Variants in KAZN observed in about 807,000 individuals in gnomAD.
KAZN encodes the protein kazrin.
KAZN carries 40 observed loss-of-function variants against 87.4 expected under a neutral mutation model. The observed-to-expected ratio is 0.46, with a 90% CI of 0.36 to 0.60. KAZN has a LOEUF of 0.60. Ranked by LOEUF, KAZN falls within the 20% of genes least tolerant of loss-of-function variation. The pLI is 0.00. For missense variants in KAZN, 898 were observed against 1,073.9 expected, an observed-to-expected ratio of 0.84 and a Z score of 2.29; for synonymous variants, 466 against 458.3, an observed-to-expected ratio of 1.02 and a Z score of -0.22.
At chr1:13,903,809 CT>C (rs1210128088) in intron 1 of KAZN, among the ~76,000 whole-genome samples, 1 of 152,090 alleles carries the variant, frequency 6.6e-6, no homozygotes, top group Non-Finnish European at 1.5e-5. Context: ...TTGAGCAGCT[CT>C]AAGAGGGTGG....
chr1:14,947,632 G>A (rs189334341), intron 1 of KAZN, among the ~76,000 whole-genome samples: 19 of 152,352 alleles, frequency 1.2e-4, no homozygotes, highest in African/African-American at 3.4e-4. Context: ...CAGACCAGCC[G>A]GGGTTGGGAT....
At chr1:14,984,946 G>A (rs1244829548) in intron 2 of KAZN, among the ~76,000 whole-genome samples, 3 of 151,886 alleles carry the variant, frequency 2.0e-5, no homozygotes, top group South Asian at 4.2e-4. Context: ...GACCAGCCTG[G>A]CCAATATGAT....
chr1:14,817,355 T>G (rs1253796419), intron 1 of KAZN, among the ~76,000 whole-genome samples: 2 of 152,204 alleles, frequency 1.3e-5, no homozygotes, highest in Non-Finnish European at 2.9e-5. Context: ...CATTCAGTCA[T>G]TCAACAAATG....
At chr1:14,036,748 T>A (rs949598876) in intron 1 of KAZN, among the ~76,000 whole-genome samples, 1 of 152,088 alleles carries the variant, frequency 6.6e-6, no homozygotes, top group African/African-American at 2.4e-5. Context: ...TTACTGGTAA[T>A]CTTTGGAGTC....
intron 2 of KAZN, among the ~76,000 whole-genome samples, chr1:14,994,098 C>A (rs1667636097): frequency 6.6e-6 from 1 of 152,220 alleles, no homozygotes; most frequent in African/African-American, 2.4e-5. Flanking sequence ...GCCATGGAAG[C>A]AGGTCCCCTC....
At chr1:14,071,933 G>A (rs1643262753) in intron 1 of KAZN, among the ~76,000 whole-genome samples, 1 of 152,196 alleles carries the variant, frequency 6.6e-6, no homozygotes, top group Non-Finnish European at 1.5e-5. Flanking sequence ...ATCTTCCTGA[G>A]TTTCTGTTTT....
At chr1:14,191,785 C>T (rs1453155526) in intron 2 of KAZN, among the ~76,000 whole-genome samples, 1 of 152,086 alleles carries the variant, frequency 6.6e-6, no homozygotes, top group African/African-American at 2.4e-5. Flanking sequence ...AGAAACCATC[C>T]ATAAGACTGT....
rs557458767 is a variant in KAZN, at chr1:14,242,233, A to G, written c.249+61641A>G. Reference sequence around the variant, plus strand: ...ACTGTCTAAATAAGAGGAGAATTACACAGATAAGCAGATAATACATCGGTT... The same window carrying G: ...ACTGTCTAAATAAGAGGAGAATTACGCAGATAAGCAGATAATACATCGGTT... On this transcript the variant is annotated intron_variant, in intron 2 of 16. Coordinates refer to the KAZN transcript ENST00000636203. Among the ~76,000 whole-genome samples the G allele has an allele frequency of 1.2e-4, 19 of 152,360 alleles. 1 individual carries two copies. In the South Asian group the frequency reaches 2.9e-3, roughly 23 times the overall value.
Position 14,064,431 on chromosome 1 carries a change from G to T in KAZN, c.92-116004G>T, listed in dbSNP as rs944475772. On this transcript the variant is annotated intron_variant, in intron 1 of 16. Transcript: ENST00000636203. ...TCTGACCAGTCCGACACCAACCCAG[G>T]TCACTCTGCTGCAGCCTCTCAGACT... is the stretch of plus-strand genomic sequence containing the variant. 9.9e-5 allele frequency among the ~76,000 whole-genome samples: 15 copies of T among 152,280 alleles called. No individual in the cohort carries two copies. In the East Asian group the frequency reaches 2.9e-3, roughly 30 times the overall value.
chr1:13,929,329 G>A (rs1421184452), intron 1 of KAZN, among the ~76,000 whole-genome samples: 1 of 152,142 alleles, frequency 6.6e-6, no homozygotes, highest in Non-Finnish European at 1.5e-5. Context: ...TAAAAACTCA[G>A]GCTGCTGGCG....
intron 2 of KAZN, among the ~76,000 whole-genome samples, chr1:14,444,895 G>A (rs957593237): frequency 6.6e-6 from 1 of 152,144 alleles, no homozygotes; most frequent in Admixed American, 6.5e-5. Context: ...GGTTGAATTT[G>A]TTCCCCCCAA....
chr1:14,929,756 G>T (rs796513493), intron 1 of KAZN: 3 of 985,278 alleles, frequency 3.0e-6, no homozygotes, highest in Middle Eastern at 5.2e-4. Flanking sequence ...TTTACTCTCC[G>T]TGAGTGCGTC....
chr1:14,892,032 G>A (rs975621547), intron 1 of KAZN, among the ~76,000 whole-genome samples: 2 of 152,090 alleles, frequency 1.3e-5, no homozygotes, highest in African/African-American at 2.4e-5. Flanking sequence ...ACATGCCCCC[G>A]TCCCTACCTC....
intron 2 of KAZN, among the ~76,000 whole-genome samples, chr1:14,542,428 A>T (rs926187443): frequency 5.3e-5 from 8 of 152,118 alleles, no homozygotes; most frequent in Admixed American, 4.6e-4. Flanking sequence ...CATGTACCCT[A>T]AAACTTAAAG....
At chr1:14,871,558 G>A (rs1652132583) in intron 1 of KAZN, among the ~76,000 whole-genome samples, 1 of 151,756 alleles carries the variant, frequency 6.6e-6, no homozygotes, top group Non-Finnish European at 1.5e-5. Flanking sequence ...GAGGCGTAAG[G>A]AAGATGCTTT....
chr1:14,845,420 G>A (rs1480799604), intron 1 of KAZN, among the ~76,000 whole-genome samples: 2 of 151,482 alleles, frequency 1.3e-5, no homozygotes, highest in East Asian at 3.9e-4. Flanking sequence ...TGGGTGGATA[G>A]ATGGGTGGGT....
intron 1 of KAZN, among the ~76,000 whole-genome samples, chr1:14,668,568 T>C (rs575273154): frequency 2.2e-4 from 34 of 152,244 alleles, no homozygotes; most frequent in Non-Finnish European, 4.3e-4. Flanking sequence ...CCCTTCTTCC[T>C]GTTTCCCCTC....
chr1:13,967,756 A>G (rs1293864960), intron 1 of KAZN, among the ~76,000 whole-genome samples: 1 of 152,166 alleles, frequency 6.6e-6, no homozygotes, highest in Non-Finnish European at 1.5e-5. Context: ...TTAAGATCCT[A>G]GTTCAGATCC....
In KAZN at chr1:14,201,698, C is replaced by T. The variant is rs557633142; in HGVS notation, c.249+21106C>T. ...CGTTTCTTTTCTTGAGGTGAAGTTTCGCTCTTGTTGCCCAGGCTGGAGTGC... is the reference window on the plus strand; with the variant it reads ...CGTTTCTTTTCTTGAGGTGAAGTTTTGCTCTTGTTGCCCAGGCTGGAGTGC... On this transcript the variant is annotated intron_variant, in intron 2 of 16. Coordinates refer to the KAZN transcript ENST00000636203. Among the ~76,000 whole-genome samples the T allele has an allele frequency of 1.3e-3, 194 of 152,278 alleles. 1 individual carries two copies. Among genetic ancestry groups the T allele is most frequent in the Middle Eastern group, 6.8e-3 (2 of 294 alleles).
Sources: allele counts gnomAD v4.1 joint callset (sites outside exome capture counted in the v4.1 genomes callset), GRCh38; gene constraint gnomAD v4.1.1; transcripts MANE v1.5; gene names NCBI Gene and HGNC (gene_info 2026-07-23, HGNC 2026-07-21).